EVL: variants seen among roughly 807,000 people sequenced by gnomAD.
EVL encodes the protein Enah/Vasp-like.
A neutral mutation model predicts 59.6 loss-of-function variants in EVL; 21 were observed. The ratio of observed to expected loss-of-function variants is 0.35; its 90% confidence interval spans 0.25 to 0.51. EVL has a LOEUF of 0.51. Ranked by LOEUF, EVL falls within the 20% of genes least tolerant of loss-of-function variation. The pLI is 0.97. For missense variants in EVL, 462 were observed against 546.6 expected, an observed-to-expected ratio of 0.85 and a Z score of 1.54; for synonymous variants, 198 against 203.5, an observed-to-expected ratio of 0.97 and a Z score of 0.23.
rs79003479 is a variant in EVL, at chr14:100,135,285, C to G, written c.901-620C>G. The G allele has an allele frequency of 1.3e-5, 2 of 152,316 alleles. 1 individual carries two copies. The highest frequency in any genetic ancestry group is 4.1e-4 in the South Asian group (2 of 4,836). 9.4% of individuals were successfully genotyped at this position (152,316 alleles called of 1,614,324 possible). A position where few individuals can be genotyped will look rare whatever the true frequency, so the allele number is the denominator to read the frequency against. ...TGCCCACGGTGACAAGGGAGAGGTT[C>G]TTTGCTTCAGATCAGAATGACACAT... On this transcript the variant is annotated intron_variant, in intron 8 of 13. Transcript: ENST00000392920.
In EVL at chr14:100,065,509, A is replaced by C; in HGVS notation, c.9A>C (p.Thr3=). The part of the protein sequence containing the change: MA[T]SEQSICQARA... Reference sequence around the variant, plus strand: ...GCTGCCACTTTTCAGCCATGGCCACAAGGTGAGTATTGGAACCAGTGCAGG... The same window carrying C: ...GCTGCCACTTTTCAGCCATGGCCACCAGGTGAGTATTGGAACCAGTGCAGG... The change falls in exon 1 of 14, where the codon ACA becomes ACC. Residue 3 remains threonine (T), a splice_region_variant and synonymous_variant. Coordinates refer to ENST00000392920, the MANE Select transcript of EVL (RefSeq NM_016337.3). The C allele has an allele frequency of 6.6e-7, 1 of 1,524,684 alleles. No individual in the cohort carries two copies. The allele number at this position is 1,524,684 out of a possible 1,614,324, so 94.4% of individuals were successfully genotyped here.
At chr14:100,138,046 G>C (rs556394889) in intron 11 of EVL, 10 of 509,966 alleles carry the variant, frequency 2.0e-5, no homozygotes, top group Admixed American at 7.8e-5. Flanking sequence ...GGTAGTGCAG[G>C]GGGGGGCCAA....
intron 8 of EVL, among the ~76,000 whole-genome samples, chr14:100,133,245 C>T (rs1888553384): frequency 1.3e-5 from 2 of 152,196 alleles, no homozygotes; most frequent in African/African-American, 2.4e-5. Context: ...AGCCCTGGAC[C>T]CCTGGCTCTT....
At chr14:100,049,092 C>T (rs2061604928) in intron 1 of EVL, among the ~76,000 whole-genome samples, 1 of 152,140 alleles carries the variant, frequency 6.6e-6, no homozygotes, top group African/African-American at 2.4e-5. Flanking sequence ...GCAAAAAGGT[C>T]TGAGAAACAA....
At chr14:100,099,513 T>G (rs1380180290) in intron 3 of EVL, among the ~76,000 whole-genome samples, 1 of 152,184 alleles carries the variant, frequency 6.6e-6, no homozygotes, top group Admixed American at 6.5e-5. Context: ...TTGACAATGC[T>G]CCAAAGTTTG....
At chr14:99,987,905 A>ATTT (rs774580760) in intron 1 of EVL, among the ~76,000 whole-genome samples, 52 of 103,824 alleles carry the variant, frequency 5.0e-4, no homozygotes, top group East Asian at 6.9e-4. Context: ...AGACAACCCA[A>ATTT]TTTTTTTTTT....
upstream of EVL, chr14:100,065,374 TG>T: frequency 9.5e-7 from 1 of 1,054,392 alleles, no homozygotes; most frequent in Middle Eastern, 2.5e-4. Flanking sequence ...TTTTCCTGTT[TG>T]GTTTTAAGTA....
chr14:100,110,996 G>A (rs1189899463), intron 3 of EVL, among the ~76,000 whole-genome samples: 1 of 152,088 alleles, frequency 6.6e-6, no homozygotes, highest in Non-Finnish European at 1.5e-5. Context: ...GCCTGCCATG[G>A]TCAGCACAGT....
At chr14:100,142,980 C>T (rs998838053) in intron 13 of EVL, among the ~76,000 whole-genome samples, 4 of 152,234 alleles carry the variant, frequency 2.6e-5, no homozygotes, top group African/African-American at 9.6e-5. Flanking sequence ...AAGCAGCTCC[C>T]ATCCCCCAGC....
chr14:100,069,383 C>G (rs2062001884), intron 1 of EVL, among the ~76,000 whole-genome samples: 1 of 152,228 alleles, frequency 6.6e-6, no homozygotes, highest in African/African-American at 2.4e-5. Flanking sequence ...AGAAGTCTCG[C>G]ACAGCCGGGG....
At position 100,082,852 on chromosome 14, in the gene EVL, G is replaced by A. The variant is rs550863712; in HGVS notation, c.12-1835G>A. Among the ~76,000 whole-genome samples the A allele has an allele frequency of 2.0e-5, 3 of 152,334 alleles. No individual in the cohort carries two copies. In the East Asian group the frequency reaches 5.8e-4, roughly 29 times the overall value. The stretch of plus-strand genomic sequence containing the variant: ...TCCCCAAACCAAGGCTTCCCCCACA[G>A]AAGAGTCCTGTGTTGGGCAGGAATG... On this transcript the variant is annotated intron_variant, in intron 1 of 13. Transcript: ENST00000392920.
At chr14:100,001,543 T>A (rs1394733983) in intron 1 of EVL, among the ~76,000 whole-genome samples, 1 of 152,254 alleles carries the variant, frequency 6.6e-6, no homozygotes, top group Non-Finnish European at 1.5e-5. Context: ...TAATTATTTC[T>A]CACATAGGCT....
At chr14:100,079,671 CCTTA>C (rs2062249320) in intron 1 of EVL, among the ~76,000 whole-genome samples, 2 of 152,170 alleles carry the variant, frequency 1.3e-5, no homozygotes, top group African/African-American at 4.8e-5. Flanking sequence ...TTCCTTTTTC[CCTTA>C]CTTTATGAAT....
Position 100,143,758 on chromosome 14 carries a change from T to C in EVL, c.*20T>C, listed in dbSNP as rs931721380. On this transcript the variant is annotated 3_prime_UTR_variant, in exon 14 of 14. Coordinates refer to ENST00000392920, the MANE Select transcript of EVL (RefSeq NM_016337.3). The stretch of plus-strand genomic sequence containing the variant: ...ACGTAAGGGGCCGGCCTCGCTGCGC[T>C]GATTCGTCGAGCCCATCCGGCGACA... 6 of 1,610,180 alleles carry C rather than the reference T, an allele frequency of 3.7e-6. No homozygotes were observed. In the Admixed American group the frequency reaches 8.4e-5, roughly 22 times the overall value.
chr14:100,143,747 C>T lies in EVL; in HGVS notation c.*9C>T, dbSNP rs1485429187. 4.3e-6 allele frequency: 7 copies of T among 1,611,894 alleles called. No individual in the cohort carries two copies. Among genetic ancestry groups the T allele is most frequent in the Non-Finnish European group, 5.9e-6 (7 of 1,179,544 alleles). ...GGATCAGCACCACGTAAGGGGCCGGCCTCGCTGCGCTGATTCGTCGAGCCC... is the reference window on the plus strand; with the variant it reads ...GGATCAGCACCACGTAAGGGGCCGGTCTCGCTGCGCTGATTCGTCGAGCCC... On this transcript the variant is annotated 3_prime_UTR_variant, in exon 14 of 14. Transcript: ENST00000392920.
chr14:100,105,470 G>C (rs1406231864), intron 3 of EVL, among the ~76,000 whole-genome samples: 1 of 151,816 alleles, frequency 6.6e-6, no homozygotes, highest in Non-Finnish European at 1.5e-5. Context: ...TCCTCATTTG[G>C]AAGACAGAGT....
intron 1 of EVL, among the ~76,000 whole-genome samples, chr14:100,082,164 C>G (rs139804596): frequency 2.6e-5 from 4 of 151,826 alleles, no homozygotes; most frequent in African/African-American, 9.7e-5. Context: ...AGAAAGCCTC[C>G]CCTGTCCCCC....
At chr14:100,008,135 C>T (rs1280838843) in intron 1 of EVL, among the ~76,000 whole-genome samples, 1 of 152,172 alleles carries the variant, frequency 6.6e-6, no homozygotes, top group Non-Finnish European at 1.5e-5. Context: ...CTTGAGCATG[C>T]GTTAGAATCC....
chr14:100,026,231 G>GAAAAAA (rs368516400), intron 1 of EVL, among the ~76,000 whole-genome samples: 1 of 132,302 alleles, frequency 7.6e-6, no homozygotes. Context: ...AGTGTCTCAG[G>GAAAAAA]AAAAAAAAAA....
Sources: allele counts gnomAD v4.1 joint callset (sites outside exome capture counted in the v4.1 genomes callset), GRCh38; gene constraint gnomAD v4.1.1; transcripts MANE v1.5; gene names NCBI Gene and HGNC (gene_info 2026-07-23, HGNC 2026-07-21).